Variants in CDK11A observed in about 807,000 individuals in gnomAD.
The protein encoded by CDK11A is cyclin-dependent kinase 11A.
Under a neutral mutation model 83.6 loss-of-function variants are expected in CDK11A, and 55 were observed. The observed-to-expected ratio is 0.66, with a 90% CI of 0.53 to 0.82. The LOEUF (loss-of-function observed/expected upper bound fraction) is 0.82. Ranked by LOEUF, CDK11A falls within the 40% of genes least tolerant of loss-of-function variation. CDK11A has a pLI of 0.00. For missense variants in CDK11A, 564 were observed against 810.1 expected, an observed-to-expected ratio of 0.70 and a Z score of 3.69; for synonymous variants, 247 against 302.7, an observed-to-expected ratio of 0.82 and a Z score of 1.91.
rs754813819 is a variant in CDK11A, at chr1:1,703,858, T to C, written c.1877A>G (p.Asn626Ser). Residue 626 changes from asparagine to serine, a missense_variant, in exon 17 of 20, where the codon AAT (asparagine) becomes AGT (serine). Asn to Ser is a conservative substitution (Grantham distance 46, BLOSUM62 1). Coordinates refer to ENST00000404249, the MANE Select transcript of CDK11A (RefSeq NM_024011.4). ...TTTGTTGATCTGATCGATTTCCGAA[T>C]TCCCGGGGAACAGAGGCTTCTGAGT... ...LLTQKPLFPGNSEIDQINKVF... is the reference protein window; with the variant it reads ...LLTQKPLFPGSSEIDQINKVF... The C allele has an allele frequency of 1.7e-5, 28 of 1,609,760 alleles. 2 individuals are homozygous for C. The highest frequency in any genetic ancestry group is 1.1e-4 in the South Asian group (10 of 90,792).
rs1434236934 is a variant in CDK11A at position 1,702,638 on chromosome 1, G to A, written c.*269C>T. On this transcript the variant is annotated 3_prime_UTR_variant, in exon 20 of 20. Transcript: ENST00000404249. ...AATCACGGCCCAGCCAGCCCCGTGC[G>A]TGTCGAGAGTGGGAGAGGGTGTGTG... 3.4e-5 allele frequency: 18 copies of A among 535,810 alleles called. No individual in the cohort carries two copies. Among genetic ancestry groups the A allele is most frequent in the East Asian group, 1.8e-4 (6 of 33,144 alleles). 33.2% of individuals were successfully genotyped at this position (535,810 alleles called of 1,614,324 possible). A position where few individuals can be genotyped will look rare whatever the true frequency, so the allele number is the denominator to read the frequency against.
At chr1:1,703,651 C>T (rs965417126) in intron 17 of CDK11A, 27 bp from the exon 18 acceptor site, 1 of 1,584,322 alleles carries the variant, frequency 6.3e-7, no homozygotes, top group Admixed American at 1.8e-5. Flanking sequence ...CTTCAACAGC[C>T]ACACCAAGTG....
At chr1:1,703,452 G>A (rs1259104309) in intron 18 of CDK11A, 24 bp downstream of exon 18, 8 of 1,474,114 alleles carry the variant, frequency 5.4e-6, no homozygotes, top group Non-Finnish European at 4.5e-6. Flanking sequence ...GGGACCTCCC[G>A]CCACCCGGCT....
intron 4 of CDK11A, among the ~76,000 whole-genome samples, chr1:1,716,814 C>CAAAAAAAA (rs1168780288): frequency 2.1e-4 from 16 of 76,674 alleles, no homozygotes; most frequent in South Asian, 4.6e-4. Context: ...GACTCCATCT[C>CAAAAAAAA]AAAAAAAAAA....
At chr1:1,705,096 T>C (rs1231298381) in intron 12 of CDK11A, 71 bp from the exon 13 acceptor site, 41 of 1,539,752 alleles carry the variant, frequency 2.7e-5, no homozygotes, top group Non-Finnish European at 3.5e-5. Flanking sequence ...ACTCGTTCAG[T>C]GAGGACCGCA....
rs1358558680 is a variant in CDK11A, at chr1:1,719,479, G to A, written c.228-24C>T. On this transcript the variant is annotated intron_variant, in intron 3 of 19. Coordinates refer to ENST00000404249, the MANE Select transcript of CDK11A (RefSeq NM_024011.4). ...CTCTGAAATAAAACACAACAGCACT[G>A]CGTCATGCTTGAGAAAGTGCGGAAA... 1.7e-5 allele frequency: 24 copies of A among 1,418,248 alleles called. 1 individual carries two copies. Among genetic ancestry groups the A allele is most frequent in the Non-Finnish European group, 2.0e-5 (22 of 1,080,450 alleles). 87.9% of individuals were successfully genotyped at this position (1,418,248 alleles called of 1,614,324 possible).
At position 1,705,089 on chromosome 1, in the gene CDK11A, C is replaced by G. The variant is rs1367480293; in HGVS notation, c.1337-64G>C. 1.9e-5 allele frequency: 29 copies of G among 1,551,476 alleles called. 3 individuals carry two copies. The highest frequency in any genetic ancestry group is 1.8e-4 in the Middle Eastern group (1 of 5,416). On this transcript the variant is annotated intron_variant, in intron 12 of 19. Coordinates refer to ENST00000404249, the MANE Select transcript of CDK11A (RefSeq NM_024011.4). Reference sequence around the variant, plus strand: ...AAAGTCACGGTACCAACAGTGGACTCGTTCAGTGAGGACCGCAGGCAGTGC... The same window carrying G: ...AAAGTCACGGTACCAACAGTGGACTGGTTCAGTGAGGACCGCAGGCAGTGC...
chr1:1,712,076 G>A (rs1220811162), intron 6 of CDK11A, among the ~76,000 whole-genome samples, 188 bp downstream of exon 6: 3 of 110,414 alleles, frequency 2.7e-5, no homozygotes, highest in African/African-American at 5.7e-5. Flanking sequence ...GGTGCAGTGA[G>A]CCGAGATCGC....
intron 4 of CDK11A, among the ~76,000 whole-genome samples, 198 bp from the exon 5 acceptor site, chr1:1,716,676 T>C (rs1644663151): frequency 6.7e-6 from 1 of 150,162 alleles, no homozygotes; most frequent in Non-Finnish European, 1.5e-5. Context: ...TAGCTGGGCG[T>C]GGTGGCAGGC....
At chr1:1,721,540 C>A in intron 3 of CDK11A, 56 bp downstream of exon 3, 6 of 1,566,728 alleles carry the variant, frequency 3.8e-6, no homozygotes, top group Middle Eastern at 3.4e-4. Flanking sequence ...CTAGGAAGGA[C>A]TGGCCAGGCC....
chr1:1,703,301 G>A (rs1411585626), intron 18 of CDK11A, 32 bp from the exon 19 acceptor site: 21 of 539,650 alleles, frequency 3.9e-5, no homozygotes, highest in South Asian at 2.6e-4. Flanking sequence ...CCCAGGAGGT[G>A]CTCGTGTGCT....
At chr1:1,718,443 GGTCT>G (rs1248525560) in intron 4 of CDK11A, among the ~76,000 whole-genome samples, 2 of 148,512 alleles carry the variant, frequency 1.3e-5, no homozygotes, top group African/African-American at 5.0e-5. Flanking sequence ...CCTTCTGAAT[GGTCT>G]GTGACACACG....
intron 3 of CDK11A, among the ~76,000 whole-genome samples, chr1:1,720,248 C>T (rs1459872902): frequency 6.7e-6 from 1 of 150,270 alleles, no homozygotes; most frequent in Non-Finnish European, 1.5e-5. Flanking sequence ...GCGCCCACCA[C>T]CACGCCCGGC....
In CDK11A at chr1:1,714,011, G is replaced by A. The variant is rs1356710201; in HGVS notation, c.489-1611C>T. Among the ~76,000 whole-genome samples, 2 of 41,682 alleles carry A rather than the reference G, an allele frequency of 4.8e-5. 1 individual carries two copies. The highest frequency in any genetic ancestry group is 2.9e-4 in the Non-Finnish European group (2 of 6,914). 27.3% of individuals were successfully genotyped at this position (41,682 alleles called of 152,430 possible). A position where few individuals can be genotyped will look rare whatever the true frequency, so the allele number is the denominator to read the frequency against. ...GCCTTCTGGCCTCCATTGTTTCTAAGAAGTCAGTGGCTGGCGGTATTGAAG... is the reference window on the plus strand; with the variant it reads ...GCCTTCTGGCCTCCATTGTTTCTAAAAAGTCAGTGGCTGGCGGTATTGAAG... On this transcript the variant is annotated intron_variant, in intron 5 of 19. Coordinates refer to ENST00000404249, the MANE Select transcript of CDK11A (RefSeq NM_024011.4).
intron 1 of CDK11A, among the ~76,000 whole-genome samples, chr1:1,723,206 C>A (rs867585940): frequency 1.0e-4 from 5 of 49,656 alleles, no homozygotes; most frequent in Middle Eastern, 8.8e-3. Context: ...CCACTGCACT[C>A]CAGCCTAGAT....
At chr1:1,708,090 C>T in intron 10 of CDK11A, 90 bp downstream of exon 10, 3 of 1,585,702 alleles carry the variant, frequency 1.9e-6, no homozygotes, top group Non-Finnish European at 2.6e-6. Flanking sequence ...CTGGCGTGCC[C>T]CACGCCGCGC....
chr1:1,703,883 T>G lies in CDK11A; in HGVS notation c.1852A>C (p.Thr618Pro). The G allele has an allele frequency of 6.2e-7, 1 of 1,609,498 alleles. No individual in the cohort carries two copies. Among genetic ancestry groups the G allele is most frequent in the Non-Finnish European group, 8.5e-7 (1 of 1,176,904 alleles). Residue 618 changes from threonine to proline, a missense_variant, in exon 17 of 20, where the codon ACT becomes CCT. Transcript: ENST00000404249. ...TTCCCGGGGAACAGAGGCTTCTGAG[T>G]CAGCAGCTCCCCGAAGATGCAGCCC... ...SVGCIFGELLTQKPLFPGNSE... is the reference protein window; with the variant it reads ...SVGCIFGELLPQKPLFPGNSE...
chr1:1,719,520 T>C, intron 3 of CDK11A, 65 bp from the exon 4 acceptor site: 1 of 1,308,882 alleles, frequency 7.6e-7, no homozygotes, highest in Non-Finnish European at 1.0e-6. Flanking sequence ...CAGGCTATTA[T>C]GAGGTTTTTT....
chr1:1,708,604 G>A (rs1211073810), intron 9 of CDK11A, among the ~76,000 whole-genome samples, 190 bp downstream of exon 9: 4 of 134,606 alleles, frequency 3.0e-5, no homozygotes, highest in Admixed American at 7.5e-5. Context: ...TCATGCCACT[G>A]CACTCCAGCC....
Sources: gnomAD v4.1 joint callset for allele counts (sites outside exome capture counted in the v4.1 genomes callset) on GRCh38, gnomAD v4.1.1 for gene constraint, MANE v1.5 for transcripts, NCBI Gene and HGNC (gene_info 2026-07-23, HGNC 2026-07-21) for gene names.